The following ZNF420 variants were observed in gnomAD, a reference collection of about 807,000 sequenced individuals.
ZNF420 encodes the protein ATM and p53-associated KZNF protein.
Under a neutral mutation model 44.7 loss-of-function variants are expected in ZNF420, and 31 were observed. The ratio of observed to expected loss-of-function variants is 0.69; its 90% CI spans 0.52 to 0.94. ZNF420 has a LOEUF of 0.94. Ranked by LOEUF, ZNF420 falls within the 40% of genes least tolerant of loss-of-function variation. The pLI is 0.00. For missense variants in ZNF420, 681 were observed against 827.9 expected (o/e 0.82, Z 2.18); for synonymous variants, 245 against 267.4 (o/e 0.92, Z 0.82).
chr19:37,019,510 C>T (rs1007942842), intron 1 of ZNF420, among the ~76,000 whole-genome samples: 26 of 152,234 alleles, frequency 1.7e-4, no homozygotes, highest in African/African-American at 6.0e-4. Context: ...CGTGGTGGCT[C>T]AAGCCTGTAA....
chr19:37,079,038 ACTGT>A (rs567300638), intron 1 of ZNF420, among the ~76,000 whole-genome samples: 162 of 152,076 alleles, frequency 1.1e-3, no homozygotes, highest in African/African-American at 3.7e-3. Context: ...GGGTTGGGTG[ACTGT>A]CTGATTGTGT....
intron 1 of ZNF420, among the ~76,000 whole-genome samples, chr19:37,047,607 C>CAT (rs1967564829): frequency 6.6e-6 from 1 of 152,214 alleles, no homozygotes; most frequent in Non-Finnish European, 1.5e-5. Context: ...TCTTTGTTGC[C>CAT]TGTCTAGCAG....
intron 1 of ZNF420, among the ~76,000 whole-genome samples, chr19:37,060,572 G>C (rs1967858509): frequency 6.6e-6 from 1 of 151,706 alleles, no homozygotes; most frequent in South Asian, 2.1e-4. Flanking sequence ...ACTTCATGGA[G>C]ATCCATGTTC....
At chr19:37,041,178 T>C (rs7256380) in intron 1 of ZNF420, among the ~76,000 whole-genome samples, 77,329 of 151,596 alleles carry the variant, frequency 0.51, 20,254 homozygotes, top group African/African-American at 0.58. Flanking sequence ...AAAAAATTAG[T>C]TAGGCATAGT....
At chr19:37,120,356 G>A (rs1970957127) in intron 4 of ZNF420, among the ~76,000 whole-genome samples, 1 of 151,350 alleles carries the variant, frequency 6.6e-6, no homozygotes, top group Non-Finnish European at 1.5e-5. Context: ...CATATAAACA[G>A]AACCAAAGAC....
Position 37,038,816 on chromosome 19 carries a change from C to T in ZNF420, c.-125+30734C>T, listed in dbSNP as rs150782503. 3.3e-5 allele frequency among the ~76,000 whole-genome samples: 5 copies of T among 152,004 alleles called. No individual in the cohort carries two copies. The East Asian group carries it at 7.8e-4, about 24-fold the overall frequency. ...AAAAATACAACACATGGAGAAGCCC[C>T]GTCTCTACTAAAAATACAACATTAG... On this transcript the variant is annotated intron_variant, in intron 1 of 4. Coordinates refer to the ZNF420 transcript ENST00000587029.
chr19:37,115,930 C>G (rs139051471), intron 4 of ZNF420, among the ~76,000 whole-genome samples: 1 of 152,082 alleles, frequency 6.6e-6, no homozygotes. Context: ...TTAACAAGCA[C>G]GCTGCCTTCA....
chr19:37,119,131 C>G (rs948159323), intron 4 of ZNF420, among the ~76,000 whole-genome samples: 1 of 152,122 alleles, frequency 6.6e-6, no homozygotes, highest in Non-Finnish European at 1.5e-5. Context: ...TAATAGACAT[C>G]TACAGAACTC....
chr19:37,027,357 T>TAC (rs1312742157), intron 1 of ZNF420, among the ~76,000 whole-genome samples: 7 of 152,224 alleles, frequency 4.6e-5, no homozygotes, highest in African/African-American at 1.4e-4. Context: ...CACACCATAG[T>TAC]ACACACACTT....
intron 1 of ZNF420, among the ~76,000 whole-genome samples, chr19:37,067,509 T>C (rs980639398): frequency 3.4e-5 from 5 of 148,288 alleles, no homozygotes; most frequent in South Asian, 4.1e-4. Context: ...AGTACTTAGA[T>C]AGCGAATGTA....
intron 1 of ZNF420, among the ~76,000 whole-genome samples, chr19:37,079,133 G>A (rs772136079): frequency 6.6e-6 from 1 of 152,188 alleles, no homozygotes; most frequent in Non-Finnish European, 1.5e-5. Context: ...GTTTTTGGCG[G>A]TATGTGTCTC....
At chr19:37,091,368 G>T (rs952564343) in intron 4 of ZNF420, 2 of 264,948 alleles carry the variant, frequency 7.5e-6, no homozygotes, top group Non-Finnish European at 1.4e-5. Flanking sequence ...TTGAAGTTTG[G>T]GATACTTGGA....
intron 4 of ZNF420, among the ~76,000 whole-genome samples, chr19:37,107,946 C>A (rs1169837424): frequency 6.6e-6 from 1 of 152,122 alleles, no homozygotes; most frequent in African/African-American, 2.4e-5. Flanking sequence ...CCCAGTGATG[C>A]TCAGACTCAT....
At chr19:37,016,385 G>T (rs901822667) in intron 1 of ZNF420, among the ~76,000 whole-genome samples, 4 of 152,220 alleles carry the variant, frequency 2.6e-5, no homozygotes, top group Non-Finnish European at 5.9e-5. Flanking sequence ...CCGGTGTGGG[G>T]TTTGGGGTGT....
chr19:37,029,093 G>A (rs1420801560), intron 1 of ZNF420, among the ~76,000 whole-genome samples: 1 of 152,096 alleles, frequency 6.6e-6, no homozygotes, highest in Admixed American at 6.5e-5. Flanking sequence ...ATGCATGGCC[G>A]GGCTTCACTG....
At position 37,129,775 on chromosome 19, in the gene ZNF420, T is replaced by A; in HGVS notation, c.*717T>A. 3 of 242,686 alleles carry A rather than the reference T, an allele frequency of 1.2e-5. No homozygotes were observed. Among genetic ancestry groups the A allele is most frequent in the Non-Finnish European group, 2.3e-5 (3 of 133,038 alleles). 15.0% of individuals were successfully genotyped at this position (242,686 alleles called of 1,614,324 possible). On this transcript the variant is annotated 3_prime_UTR_variant, in exon 5 of 5. Transcript: ENST00000337995. The stretch of plus-strand genomic sequence containing the variant: ...AAAAAAAAAAACCCAGTGGATGTAA[T>A]CAGTGTATTATTGAGCACAGCTGTT...
intron 1 of ZNF420, among the ~76,000 whole-genome samples, chr19:37,048,828 T>C (rs1967588611): frequency 6.6e-6 from 1 of 151,904 alleles, no homozygotes; most frequent in South Asian, 2.1e-4. Context: ...TAACTTGTCA[T>C]TTAACATTAG....
chr19:37,036,109 G>A (rs1042376496), intron 1 of ZNF420, among the ~76,000 whole-genome samples: 7 of 152,092 alleles, frequency 4.6e-5, no homozygotes, highest in Non-Finnish European at 1.0e-4. Flanking sequence ...CTTCCCAGAA[G>A]TGGTTAATGG....
intron 4 of ZNF420, among the ~76,000 whole-genome samples, chr19:37,103,977 T>TG (rs1969924537): frequency 9.0e-6 from 1 of 110,746 alleles, no homozygotes; most frequent in Non-Finnish European, 1.8e-5. Flanking sequence ...ATTTTTTTTT[T>TG]GTCTTTTTTT....
Sources: allele counts gnomAD v4.1 joint callset (sites outside exome capture counted in the v4.1 genomes callset), GRCh38; gene constraint gnomAD v4.1.1; transcripts MANE v1.5; gene names NCBI Gene and HGNC (gene_info 2026-07-23, HGNC 2026-07-21).